Variants in CLU observed in about 807,000 individuals in gnomAD.
CLU encodes the protein clusterin.
In CLU, 25 loss-of-function variants were observed where a neutral mutation model predicts 46.4. The ratio of observed to expected loss-of-function variants is 0.54; its 90% CI spans 0.39 to 0.75. The LOEUF (loss-of-function observed/expected upper bound fraction) is 0.75. Among genes scored for constraint, CLU ranks in the 30% least tolerant of loss-of-function variants. The pLI, the probability that CLU is intolerant of heterozygous loss-of-function variation, is 0.00. For missense variants in CLU, 504 were observed against 592.1 expected, an observed-to-expected ratio of 0.85 and a Z score of 1.54; for synonymous variants, 235 against 235.1, an observed-to-expected ratio of 1.00 and a Z score of 0.00.
intron 1 of CLU, chr8:27,610,975 CT>C: frequency 2.7e-6 from 1 of 364,118 alleles, no homozygotes; most frequent in South Asian, 2.1e-5. Flanking sequence ...ATGTCAGACA[CT>C]GAAAATACCC....
chr8:27,604,240 C>G, intron 6 of CLU, 51 bp downstream of exon 6: 1 of 1,450,084 alleles, frequency 6.9e-7, no homozygotes, highest in African/African-American at 1.4e-5. Context: ...CCAGTGACCC[C>G]AGGACACAAG....
At chr8:27,611,408 A>C (rs1198598564) in intron 1 of CLU, 1 of 456,562 alleles carries the variant, frequency 2.2e-6, no homozygotes, top group Non-Finnish European at 4.4e-6. Context: ...CTCTAAGCCG[A>C]CAGCAGGCTG....
chr8:27,605,911 G>A (rs1008375319), intron 4 of CLU, among the ~76,000 whole-genome samples: 5 of 151,920 alleles, frequency 3.3e-5, no homozygotes, highest in Admixed American at 2.0e-4. Flanking sequence ...GTGGTGGTAC[G>A]TGCCTGTAGT....
In CLU at chr8:27,598,575, G is replaced by A. The variant is rs1285843397; in HGVS notation, c.1225C>T (p.Leu409Phe). ...PSGVTEVVVKLFDSDPITVTV... is the reference protein window; with the variant it reads ...PSGVTEVVVKFFDSDPITVTV... ...ACAGTGATGGGATCAGAGTCAAAGA[G>A]CTTCACGACCACCTCAGTGACACCG... is the stretch of plus-strand genomic sequence containing the variant. Residue 409 changes from leucine to phenylalanine, a missense_variant, in exon 8 of 9, where the codon CTC becomes TTC. Leu to Phe is a conservative substitution (Grantham distance 22). This residue lies in a region of CLU where 428 missense variants were observed against 484.0 expected (regional missense o/e 0.88). Transcript: ENST00000316403. The A allele has an allele frequency of 1.2e-6, 2 of 1,614,172 alleles. No homozygotes were observed. The highest frequency in any genetic ancestry group is 1.1e-5 in the South Asian group (1 of 91,092).
chr8:27,607,320 G>A (rs1020378879), intron 3 of CLU, among the ~76,000 whole-genome samples: 3 of 149,634 alleles, frequency 2.0e-5, no homozygotes, highest in African/African-American at 7.4e-5. Context: ...CTGGGTGACA[G>A]AGCAAGACTC....
At chr8:27,610,864 C>T (rs969581580) in intron 1 of CLU, 3 of 449,114 alleles carry the variant, frequency 6.7e-6, no homozygotes, top group African/African-American at 2.0e-5. Context: ...ACCCTGGCAT[C>T]GGAGGAACCA....
At chr8:27,598,326 G>A in intron 8 of CLU, 76 bp from the exon 9 acceptor site, 1 of 1,599,648 alleles carries the variant, frequency 6.3e-7, no homozygotes, top group African/African-American at 1.3e-5. Flanking sequence ...TAACTTCCTG[G>A]CTTTGTTCTT....
Position 27,598,116 on chromosome 8 carries a change from T to C in CLU, c.*125A>G. 1.1e-6 allele frequency: 1 copy of C among 873,278 alleles called. No individual in the cohort carries two copies. Among genetic ancestry groups the C allele is most frequent in the Middle Eastern group, 2.2e-4 (1 of 4,530 alleles). The allele number at this position is 873,278 out of a possible 1,614,324, so 54.1% of individuals were successfully genotyped here. On this transcript the variant is annotated 3_prime_UTR_variant, in exon 9 of 9. Transcript: ENST00000316403. ...AGAGCGGGGAGAGGCTGGGCGGAGT[T>C]GGGGGCCTGGAGGCTGGGGCCTGGT...
intron 6 of CLU, 52 bp from the exon 7 acceptor site, chr8:27,600,061 AAGGG>A: frequency 7.2e-7 from 1 of 1,380,826 alleles, no homozygotes. Flanking sequence ...GAAGGCTACA[AAGGG>A]ATAGAACCAT....
chr8:27,597,229 T>C lies in CLU; in HGVS notation c.*1012A>G, dbSNP rs902256459. Reference sequence around the variant, plus strand: ...TGCAGCCAGATGAGTTTTGTTCCATTGCAGTACATCTGATGACCAGAATTC... The same window carrying C: ...TGCAGCCAGATGAGTTTTGTTCCATCGCAGTACATCTGATGACCAGAATTC... On this transcript the variant is annotated 3_prime_UTR_variant, in exon 9 of 9. Transcript: ENST00000316403. The C allele has an allele frequency of 2.2e-6, 1 of 454,438 alleles. No individual in the cohort carries two copies. Among genetic ancestry groups the C allele is most frequent in the Non-Finnish European group, 4.4e-6 (1 of 226,784 alleles). 28.2% of individuals were successfully genotyped at this position (454,438 alleles called of 1,614,324 possible).
At chr8:27,608,915 A>AG (rs778145927) in intron 3 of CLU, 23 bp downstream of exon 3, 10 of 1,613,974 alleles carry the variant, frequency 6.2e-6, no homozygotes, top group Non-Finnish European at 8.5e-6. Flanking sequence ...CAAGGCAGGG[A>AG]GGCGGTAGCG....
chr8:27,605,310 G>A lies in CLU; in HGVS notation c.443C>T (p.Ser148Leu), dbSNP rs866333982. 3 of 1,614,176 alleles carry A rather than the reference G, an allele frequency of 1.9e-6. No homozygotes were observed. The highest frequency in any genetic ancestry group is 1.3e-5 in the African/African-American group (1 of 75,052). ...ACCATTCATCCAGAAGTAGAAGGGCGAGCTCTGGTTCAGGAACTCCTCAAG... is the reference window on the plus strand; with the variant it reads ...ACCATTCATCCAGAAGTAGAAGGGCAAGCTCTGGTTCAGGAACTCCTCAAG... ...RQLEEFLNQS[S>L]PFYFWMNGDR... The change falls in exon 5 of 9, where the codon TCG becomes TTG. Residue 148 changes from serine to leucine, a missense_variant. Ser to Leu is a moderately radical substitution (Grantham distance 145). Coordinates refer to ENST00000316403, the MANE Select transcript of CLU (RefSeq NM_001831.4).
At chr8:27,605,373 A>T in intron 4 of CLU, 38 bp from the exon 5 acceptor site, 1 of 1,589,990 alleles carries the variant, frequency 6.3e-7, no homozygotes, top group Non-Finnish European at 8.6e-7. Context: ...GGAGAAGCTC[A>T]CCAAGGCCAC....
At position 27,605,029 on chromosome 8, in the gene CLU, C is replaced by T. The variant is rs1453053925; in HGVS notation, c.724G>A (p.Ala242Thr). The change falls in exon 5 of 9, where the codon GCC (alanine) becomes ACC (threonine). Residue 242 changes from alanine (A) to threonine (T), a missense_variant. Physicochemically the swap from Ala to Thr is moderately conservative, Grantham distance 58 (BLOSUM62 0). This residue lies in a region of CLU where 428 missense variants were observed against 484.0 expected (regional missense o/e 0.88). Transcript: ENST00000316403. ...ATCTCAAGGAAGGGCTGGAACATGG[C>T]GTGGAAGTTCAGGGGCTCGTACGGA... ...FSPYEPLNFH[A>T]MFQPFLEMIH... is the part of the protein sequence containing the mutation. The T allele has an allele frequency of 1.5e-5, 24 of 1,613,864 alleles. No homozygotes were observed. Among genetic ancestry groups the T allele is most frequent in the African/African-American group, 5.3e-5 (4 of 74,840 alleles).
rs1800679336 is a variant in CLU, at chr8:27,599,574, AGCTGTGG to A, written c.1164+199_1164+205del. The A allele has an allele frequency of 3.5e-6, 2 of 574,890 alleles. No homozygotes were observed. The highest frequency in any genetic ancestry group is 6.2e-6 in the Non-Finnish European group (2 of 320,870). The allele number at this position is 574,890 out of a possible 1,614,324, so 35.6% of individuals were successfully genotyped here. A position where few individuals can be genotyped will look rare whatever the true frequency, so the allele number is the denominator to read the frequency against. ...TCTGTCAGCTATCACACCTTGGCCAAGCTGTGGAACCTCTCTTACTTTGCTCCTTTGT... is the reference window on the plus strand; with the variant it reads ...TCTGTCAGCTATCACACCTTGGCCAAAACCTCTCTTACTTTGCTCCTTTGT... On this transcript the variant is annotated intron_variant, in intron 7 of 8. Coordinates refer to ENST00000316403, the MANE Select transcript of CLU (RefSeq NM_001831.4). The surrounding 1 kb of genome is among the most constrained non-coding windows in gnomAD (Gnocchi z 4.0).
At chr8:27,613,334 C>T (rs182637133) in intron 1 of CLU, among the ~76,000 whole-genome samples, 26 of 150,734 alleles carry the variant, frequency 1.7e-4, no homozygotes, top group Non-Finnish European at 3.5e-4. Context: ...TGCAGTGAGC[C>T]GAGATGGCGC....
At chr8:27,611,572 C>T (rs1301298301) in intron 1 of CLU, 2 of 457,834 alleles carry the variant, frequency 4.4e-6, no homozygotes, top group Non-Finnish European at 8.8e-6. Context: ...CCACCATGCC[C>T]CTCCCAAGAA....
intron 7 of CLU, 75 bp from the exon 8 acceptor site, chr8:27,598,710 G>C: frequency 2.1e-6 from 3 of 1,452,804 alleles, no homozygotes; most frequent in Non-Finnish European, 2.9e-6. Flanking sequence ...CAGAAGTCAG[G>C]CTTCTGATAA....
intron 1 of CLU, chr8:27,611,646 T>G (rs1347857340): frequency 2.2e-6 from 1 of 457,576 alleles, no homozygotes; most frequent in Admixed American, 2.3e-5. Flanking sequence ...TTCCCCTTCC[T>G]GAAATGGTTC....
Sources: gnomAD v4.1 joint callset for allele counts (sites outside exome capture counted in the v4.1 genomes callset) on GRCh38, gnomAD v4.1.1 for gene constraint, gnomAD v4.1.1 regional missense constraint, Gnocchi (gnomAD v3.1) non-coding constraint, MANE v1.5 for transcripts, NCBI Gene and HGNC (gene_info 2026-07-23, HGNC 2026-07-21) for gene names.